UNC13B: variants seen among roughly 807,000 people sequenced by gnomAD.
UNC13B encodes protein unc-13 homolog B.
UNC13B carries 144 observed loss-of-function variants against 211.0 expected under a neutral mutation model. That is an observed-to-expected ratio of 0.68 (90% CI 0.60 to 0.78). The LOEUF (loss-of-function observed/expected upper bound fraction) is 0.78, where lower values mean the gene tolerates loss of function less well. Among genes scored for constraint, UNC13B ranks in the 30% least tolerant of loss-of-function variants. The pLI, the probability that UNC13B is intolerant of heterozygous loss-of-function variation, is 0.00. For missense variants in UNC13B, 1,777 were observed against 2,002.0 expected (o/e 0.89, Z 2.14); for synonymous variants, 709 against 725.8 (o/e 0.98, Z 0.37).
At chr9:35,400,530 G>A in intron 37 of UNC13B, 87 bp downstream of exon 37, 11 of 1,459,930 alleles carry the variant, frequency 7.5e-6, no homozygotes, top group Non-Finnish European at 1.0e-5. Flanking sequence ...GCCCTTGGGA[G>A]CAGATCCAGT....
intron 11 of UNC13B, among the ~76,000 whole-genome samples, chr9:35,339,184 A>G (rs1831838294): frequency 6.6e-6 from 1 of 152,196 alleles, no homozygotes; most frequent in South Asian, 2.1e-4. Flanking sequence ...AGCATTTCAC[A>G]GCTTCTGGAT....
chr9:35,403,577 A>C lies in UNC13B; in HGVS notation c.12715A>C (p.Lys4239Gln). ...ATCCAAAAGCAACAACTGGGCCCCC[A>C]AGTACAATGAGACATTCCACTTGTA... ...TKSKSNNWAP[K>Q]YNETFHFLLG... The change falls in exon 39 of 40, where the codon AAG (lysine) becomes CAG (glutamine). Residue 4239 changes from lysine (K) to glutamine (Q), a missense_variant. By Grantham distance (53) the Lys-to-Gln change is moderately conservative. Coordinates refer to ENST00000635942, the MANE Select transcript of UNC13B (RefSeq NM_001371189.2). 1 of 1,603,124 alleles carries C rather than the reference A, an allele frequency of 6.2e-7. No homozygotes were observed. The highest frequency in any genetic ancestry group is 8.5e-7 in the Non-Finnish European group (1 of 1,174,364).
intron 11 of UNC13B, among the ~76,000 whole-genome samples, chr9:35,345,875 G>A (rs1196398291): frequency 6.6e-6 from 1 of 152,138 alleles, no homozygotes; most frequent in Non-Finnish European, 1.5e-5. Flanking sequence ...TTAACTGTAT[G>A]TTACCTGAGA....
chr9:35,397,530 C>A, intron 29 of UNC13B, 105 bp from the exon 30 acceptor site: 1 of 1,367,206 alleles, frequency 7.3e-7, no homozygotes, highest in Non-Finnish European at 1.0e-6. Context: ...CCCCCTTTAC[C>A]TCCCTGTTGT....
chr9:35,203,579 C>T (rs913939296), intron 1 of UNC13B, among the ~76,000 whole-genome samples: 5 of 152,190 alleles, frequency 3.3e-5, no homozygotes, highest in African/African-American at 1.2e-4. Context: ...TTCTCTCTGG[C>T]TCCCTTAACA....
chr9:35,280,186 A>G (rs950472386), intron 7 of UNC13B, among the ~76,000 whole-genome samples: 11 of 152,202 alleles, frequency 7.2e-5, no homozygotes, highest in African/African-American at 2.7e-4. Flanking sequence ...TGAGAATGGT[A>G]TAAAGTTTGT....
At chr9:35,382,530 T>C (rs993575160) in intron 21 of UNC13B, 23 bp downstream of exon 21, 4 of 1,579,074 alleles carry the variant, frequency 2.5e-6, no homozygotes, top group Non-Finnish European at 3.4e-6. Context: ...TAAACACATA[T>C]GTCTGCATTT....
intron 3 of UNC13B, among the ~76,000 whole-genome samples, chr9:35,231,902 A>G (rs762836147): frequency 5.9e-5 from 9 of 152,052 alleles, no homozygotes; most frequent in Non-Finnish European, 1.2e-4. Flanking sequence ...TATAGAATAT[A>G]TTGAAGGACT....
intron 8 of UNC13B, among the ~76,000 whole-genome samples, chr9:35,297,801 G>A (rs550111758): frequency 9.5e-4 from 143 of 149,782 alleles, no homozygotes; most frequent in African/African-American, 3.2e-3. Flanking sequence ...CACCCACCTC[G>A]GCCTCCCAAA....
intron 6 of UNC13B, among the ~76,000 whole-genome samples, chr9:35,253,393 G>A (rs1826630078): frequency 6.6e-6 from 1 of 152,034 alleles, no homozygotes; most frequent in South Asian, 2.1e-4. Flanking sequence ...CTCATCTTTG[G>A]TTAATGGGAG....
chr9:35,377,467 G>A lies in UNC13B; in HGVS notation c.9836-1G>A. The A allele has an allele frequency of 6.2e-7, 1 of 1,614,190 alleles. No homozygotes were observed. The highest frequency in any genetic ancestry group is 8.5e-7 in the Non-Finnish European group (1 of 1,180,020). On this transcript the variant is annotated splice_acceptor_variant, in intron 15 of 39. Transcript: ENST00000635942. LOFTEE classifies it high-confidence loss of function. The stretch of plus-strand genomic sequence containing the variant: ...CCTGTTGTGTTCCTGGCCACCTTCA[G>A]GGGCTGCAGAAAAGAGCTGTAAACA...
intron 6 of UNC13B, among the ~76,000 whole-genome samples, chr9:35,248,914 T>C (rs1826275923): frequency 1.3e-5 from 2 of 152,332 alleles, no homozygotes; most frequent in East Asian, 3.9e-4. Context: ...ATATCCTTGT[T>C]AACTTTCTGT....
chr9:35,340,632 C>A (rs1831931752), intron 11 of UNC13B, among the ~76,000 whole-genome samples: 1 of 152,118 alleles, frequency 6.6e-6, no homozygotes, highest in African/African-American at 2.4e-5. Flanking sequence ...CTGGTTTGGG[C>A]ATGCTGGGTA....
intron 1 of UNC13B, among the ~76,000 whole-genome samples, chr9:35,183,524 C>T (rs1309954684): frequency 2.4e-5 from 2 of 84,868 alleles, no homozygotes; most frequent in African/African-American, 9.3e-5. Flanking sequence ...GCAGAGGCTC[C>T]CCCAACCTCC....
intron 1 of UNC13B, among the ~76,000 whole-genome samples, chr9:35,204,613 G>T (rs571740499): frequency 9.2e-5 from 14 of 152,300 alleles, no homozygotes; most frequent in Non-Finnish European, 2.1e-4. Context: ...GGAGCTTTAC[G>T]ATTTAATGAC....
intron 11 of UNC13B, among the ~76,000 whole-genome samples, chr9:35,330,455 A>T (rs935680167): frequency 6.6e-6 from 1 of 152,164 alleles, no homozygotes; most frequent in African/African-American, 2.4e-5. Flanking sequence ...TGTTATAGGG[A>T]TCTAGGCCAC....
intron 37 of UNC13B, chr9:35,402,024 G>T: frequency 6.5e-7 from 1 of 1,549,630 alleles, no homozygotes; most frequent in African/African-American, 1.4e-5. Context: ...TGTACACCGT[G>T]CAGATATGGA....
At chr9:35,207,752 A>G (rs1823748530) in intron 1 of UNC13B, among the ~76,000 whole-genome samples, 1 of 152,154 alleles carries the variant, frequency 6.6e-6, no homozygotes, top group Non-Finnish European at 1.5e-5. Flanking sequence ...TATATGCTAG[A>G]TACAAAACTC....
intron 7 of UNC13B, among the ~76,000 whole-genome samples, chr9:35,290,103 G>A (rs1307729007): frequency 1.3e-5 from 2 of 152,088 alleles, no homozygotes; most frequent in African/African-American, 4.8e-5. Context: ...GTGTGGGATA[G>A]GACTTAATTA....
Sources: allele counts gnomAD v4.1 joint callset (sites outside exome capture counted in the v4.1 genomes callset), GRCh38; gene constraint gnomAD v4.1.1; transcripts MANE v1.5; gene names NCBI Gene and HGNC (gene_info 2026-07-23, HGNC 2026-07-21).